The following SEMA3A variants were observed in gnomAD, a reference collection of about 807,000 sequenced individuals.
The protein encoded by SEMA3A is semaphorin 3A.
In SEMA3A, 29 loss-of-function variants were observed where a neutral mutation model predicts 97.9. The observed-to-expected ratio is 0.30, with a 90% CI of 0.22 to 0.40. The LOEUF (loss-of-function observed/expected upper bound fraction) is 0.40. Among genes scored for constraint, SEMA3A ranks in the 10% least tolerant of loss-of-function variants. SEMA3A has a pLI of 1.00. For missense variants in SEMA3A, 763 were observed against 951.3 expected (o/e 0.80, Z 2.60); for synonymous variants, 321 against 323.7 (o/e 0.99, Z 0.09).
At chr7:83,980,603 CA>C (rs749889921) in intron 14 of SEMA3A, among the ~76,000 whole-genome samples, 18,171 of 52,216 alleles carry the variant, frequency 0.35, 2,229 homozygotes, top group East Asian at 0.54. Context: ...GACTCCATCT[CA>C]AAAAAAAAAA....
At position 84,424,166 on chromosome 7, in the gene SEMA3A, A is replaced by C. The variant is rs79478263; in HGVS notation, c.-245-52266T>G. On this transcript the variant is annotated intron_variant, in intron 1 of 3. Coordinates refer to the SEMA3A transcript ENST00000424555. ...GTATCTACCCAAAGGAAAAGATGTC[A>C]GTATATCAAAAAGACACCTGCACAC... is the stretch of plus-strand genomic sequence containing the variant. 0.014 allele frequency among the ~76,000 whole-genome samples: 2,101 copies of C among 151,620 alleles called. 80 individuals carry two copies. The East Asian group carries it at 0.16, about 11-fold the overall frequency.
intron 1 of SEMA3A, among the ~76,000 whole-genome samples, chr7:84,429,541 T>TAGAG (rs1462659214): frequency 5.0e-5 from 6 of 120,678 alleles, no homozygotes; most frequent in African/African-American, 1.6e-4. Flanking sequence ...TATATATATA[T>TAGAG]ATATATAGCG....
upstream of SEMA3A, among the ~76,000 whole-genome samples, chr7:84,199,340 T>C (rs1293493303): frequency 3.9e-5 from 6 of 152,184 alleles, 1 homozygote. Flanking sequence ...TGTGATCAGA[T>C]ACAGGAAATC....
At chr7:83,993,997 T>G (rs1790086670) in intron 12 of SEMA3A, among the ~76,000 whole-genome samples, 1 of 138,594 alleles carries the variant, frequency 7.2e-6, no homozygotes, top group Non-Finnish European at 1.5e-5. Context: ...CCATATTTCT[T>G]GGAGGCTTTG....
intron 2 of SEMA3A, among the ~76,000 whole-genome samples, chr7:84,370,842 G>A (rs1453498724): frequency 6.6e-6 from 1 of 151,132 alleles, no homozygotes; most frequent in Non-Finnish European, 1.5e-5. Context: ...ATGTTCTAAG[G>A]CAGAAAAAAA....
intron 12 of SEMA3A, among the ~76,000 whole-genome samples, chr7:83,995,334 T>C (rs1790168555): frequency 6.6e-6 from 1 of 151,912 alleles, no homozygotes; most frequent in Admixed American, 6.6e-5. Context: ...CCATCTTGGC[T>C]CCTCCCCCCA....
intron 3 of SEMA3A, among the ~76,000 whole-genome samples, chr7:84,124,356 T>C (rs1795725185): frequency 6.6e-6 from 1 of 152,134 alleles, no homozygotes. Flanking sequence ...GGATAACAAG[T>C]AAGGAGGTTG....
At chr7:84,282,640 G>A (rs936500189) in intron 3 of SEMA3A, among the ~76,000 whole-genome samples, 5 of 151,960 alleles carry the variant, frequency 3.3e-5, no homozygotes, top group Non-Finnish European at 5.9e-5. Flanking sequence ...TTTCTGTATA[G>A]TATCTATTAA....
chr7:84,113,580 C>A (rs917737611), intron 3 of SEMA3A, among the ~76,000 whole-genome samples: 1 of 152,150 alleles, frequency 6.6e-6, no homozygotes, highest in Non-Finnish European at 1.5e-5. Flanking sequence ...TACTGCACTG[C>A]TTTGCTCAGC....
chr7:84,443,326 T>C (rs1488033464), intron 1 of SEMA3A, among the ~76,000 whole-genome samples: 1 of 152,138 alleles, frequency 6.6e-6, no homozygotes, highest in Non-Finnish European at 1.5e-5. Flanking sequence ...GAATTAAAAA[T>C]ATACACTTTA....
chr7:84,354,670 G>C (rs1802514288), intron 2 of SEMA3A, among the ~76,000 whole-genome samples: 1 of 151,554 alleles, frequency 6.6e-6, no homozygotes, highest in Non-Finnish European at 1.5e-5. Context: ...GTGGAGGAAA[G>C]TACCTATTCT....
At chr7:84,000,229 C>G (rs1186362984) in intron 12 of SEMA3A, among the ~76,000 whole-genome samples, 1 of 151,898 alleles carries the variant, frequency 6.6e-6, no homozygotes, top group African/African-American at 2.4e-5. Context: ...GATAAAGTAC[C>G]AATGTGTTTG....
chr7:84,419,180 G>C (rs1057485007), intron 1 of SEMA3A, among the ~76,000 whole-genome samples: 2 of 151,980 alleles, frequency 1.3e-5, no homozygotes, highest in African/African-American at 4.8e-5. Flanking sequence ...ATTTTCTCTC[G>C]ACTATTTGAA....
chr7:84,447,524 C>A (rs1384383693), intron 1 of SEMA3A, among the ~76,000 whole-genome samples: 1 of 152,142 alleles, frequency 6.6e-6, no homozygotes. Context: ...TCCCCGAACT[C>A]AGCTAGACTC....
At chr7:84,063,125 A>G (rs1443436325) in intron 4 of SEMA3A, among the ~76,000 whole-genome samples, 1 of 152,002 alleles carries the variant, frequency 6.6e-6, no homozygotes, top group Non-Finnish European at 1.5e-5. Flanking sequence ...ACCCCTAAGC[A>G]ACCTAACTGT....
chr7:84,350,364 T>C (rs1802407341), intron 2 of SEMA3A, among the ~76,000 whole-genome samples: 1 of 152,134 alleles, frequency 6.6e-6, no homozygotes, highest in South Asian at 2.1e-4. Context: ...CTTTTAATCA[T>C]ATATAAAGCA....
chr7:84,322,259 C>T (rs1801667439), intron 2 of SEMA3A, among the ~76,000 whole-genome samples: 1 of 152,014 alleles, frequency 6.6e-6, no homozygotes, highest in South Asian at 2.1e-4. Flanking sequence ...CCATATCATA[C>T]TACTTACTCC....
intron 1 of SEMA3A, among the ~76,000 whole-genome samples, chr7:84,411,567 T>TTATATATATATATATA (rs60469024): frequency 3.4e-5 from 5 of 149,234 alleles, no homozygotes; most frequent in African/African-American, 9.8e-5. Flanking sequence ...TTGGGTATAA[T>TTATATATATATATATA]TATATATATA....
intron 3 of SEMA3A, among the ~76,000 whole-genome samples, chr7:84,203,526 A>ATATATATTTTTTTTTTTTTTTT (rs372380784): frequency 3.9e-5 from 1 of 25,658 alleles, no homozygotes; most frequent in Non-Finnish European, 7.1e-5. Flanking sequence ...ATATATATAT[A>ATATATATTTTTTTTTTTTTTTT]TTTTTTTTTT....
Sources: allele counts gnomAD v4.1 joint callset (sites outside exome capture counted in the v4.1 genomes callset), GRCh38; gene constraint gnomAD v4.1.1; transcripts MANE v1.5; gene names NCBI Gene and HGNC (gene_info 2026-07-23, HGNC 2026-07-21).